WDR72: variants seen among roughly 807,000 people sequenced by gnomAD.
The protein encoded by WDR72 is WD repeat-containing protein 72.
In WDR72, 120 loss-of-function variants were observed where a neutral mutation model predicts 124.2. The observed-to-expected ratio is 0.97, with a 90% CI of 0.83 to 1.12. WDR72 has a LOEUF of 1.12. Among genes scored for constraint, WDR72 ranks in the 50% most tolerant of loss-of-function variants. The probability of loss-of-function intolerance (pLI) is 0.00; values close to 1 mark genes in which losing one functional copy is unlikely to be tolerated. For missense variants in WDR72, 1,387 were observed against 1,278.8 expected, an observed-to-expected ratio of 1.08 and a Z score of -1.29; for synonymous variants, 452 against 441.7, an observed-to-expected ratio of 1.02 and a Z score of -0.29.
chr15:53,677,844 T>C (rs991067040), intron 13 of WDR72, among the ~76,000 whole-genome samples: 2 of 152,184 alleles, frequency 1.3e-5, no homozygotes, highest in African/African-American at 4.8e-5. Context: ...ATCATCAAAA[T>C]TGCCATTATC....
At chr15:53,597,415 C>T (rs1342642043) in intron 17 of WDR72, 141 bp from the exon 18 acceptor site, 6 of 797,886 alleles carry the variant, frequency 7.5e-6, no homozygotes, top group African/African-American at 1.7e-5. Flanking sequence ...AATTAGCATC[C>T]ACAACAACTG....
At chr15:53,577,486 G>C (rs2011677273) in intron 18 of WDR72, among the ~76,000 whole-genome samples, 1 of 152,042 alleles carries the variant, frequency 6.6e-6, no homozygotes, top group Non-Finnish European at 1.5e-5. Context: ...AAAAAAAACT[G>C]TCATGTTTAA....
chr15:53,696,179 G>A (rs1367726076), intron 13 of WDR72, among the ~76,000 whole-genome samples: 1 of 152,178 alleles, frequency 6.6e-6, no homozygotes, highest in Non-Finnish European at 1.5e-5. Flanking sequence ...GTTAGAGGAG[G>A]CAGAGTGCTG....
chr15:53,567,071 C>T (rs2140300427), intron 18 of WDR72, among the ~76,000 whole-genome samples: 1 of 152,074 alleles, frequency 6.6e-6, no homozygotes, highest in African/African-American at 2.4e-5. Context: ...CCTGACATAA[C>T]TCAGAAGCAG....
chr15:53,718,770 GAATTTTAAAAATCTTAAGATTTTTAAA>G (rs1286275715), intron 3 of WDR72, among the ~76,000 whole-genome samples: 39,181 of 136,934 alleles, frequency 0.29, 6,603 homozygotes, highest in Middle Eastern at 0.48. Flanking sequence ...TAAATTTTAA[GAATTTTAAAAATCTTAAGATTTTTAAA>G]AATTTTAAAA....
At chr15:53,684,199 C>G (rs768297236) in intron 13 of WDR72, 2 of 152,060 alleles carry the variant, frequency 1.3e-5, no homozygotes, top group African/African-American at 4.8e-5. Flanking sequence ...TAAGAATTGC[C>G]GGAGGAGCCA....
intron 13 of WDR72, among the ~76,000 whole-genome samples, chr15:53,685,950 CAGCCA>C (rs1205461705): frequency 4.2e-5 from 6 of 142,166 alleles, no homozygotes; most frequent in African/African-American, 1.6e-4. Flanking sequence ...ATTTCATATC[CAGCCA>C]AACTAAGCTT....
intron 11 of WDR72, 148 bp downstream of exon 11, chr15:53,704,840 G>T (rs1327758520): frequency 8.1e-4 from 526 of 652,782 alleles, no homozygotes; most frequent in Non-Finnish European, 1.1e-3. Flanking sequence ...AAACCTATAT[G>T]TATGTTTTAC....
At chr15:53,697,564 G>A (rs563510508) in intron 13 of WDR72, among the ~76,000 whole-genome samples, 1 of 152,198 alleles carries the variant, frequency 6.6e-6, no homozygotes, top group East Asian at 1.9e-4. Context: ...GCTTCCTGAT[G>A]CTGCCAGTGC....
chr15:53,613,890 T>C, intron 15 of WDR72, 133 bp from the exon 16 acceptor site: 3 of 619,904 alleles, frequency 4.8e-6, no homozygotes, highest in Non-Finnish European at 8.7e-6. Context: ...TAGCAATATC[T>C]TTCACATCAA....
chr15:53,716,734 G>T, intron 3 of WDR72, 49 bp from the exon 4 acceptor site: 1 of 1,414,338 alleles, frequency 7.1e-7, no homozygotes, highest in Non-Finnish European at 1.0e-6. Flanking sequence ...CACTCAATTG[G>T]CTGGAATAAT....
intron 14 of WDR72, among the ~76,000 whole-genome samples, chr15:53,638,878 C>T (rs535924089): frequency 1.3e-5 from 2 of 152,088 alleles, no homozygotes; most frequent in African/African-American, 4.8e-5. Flanking sequence ...TGGCGGGTAC[C>T]TGTAATCCCA....
chr15:53,723,881 C>G (rs780058206), intron 2 of WDR72, among the ~76,000 whole-genome samples: 1 of 152,016 alleles, frequency 6.6e-6, no homozygotes, highest in Non-Finnish European at 1.5e-5. Context: ...TTTCTTTTTC[C>G]AAGTTTTCAA....
chr15:53,678,284 A>C (rs1216886370), intron 13 of WDR72, among the ~76,000 whole-genome samples: 1 of 152,224 alleles, frequency 6.6e-6, no homozygotes, highest in African/African-American at 2.4e-5. Flanking sequence ...CTGAAGGCTT[A>C]CGAAATAAAT....
chr15:53,618,152 A>T (rs1424880865), intron 14 of WDR72, among the ~76,000 whole-genome samples: 1 of 151,826 alleles, frequency 6.6e-6, no homozygotes, highest in African/African-American at 2.4e-5. Flanking sequence ...GATTTTTTTT[A>T]CCCCTGCATA....
chr15:53,532,658 TAAGAAGGGATG>T (rs1189742776), intron 18 of WDR72, among the ~76,000 whole-genome samples: 1 of 151,934 alleles, frequency 6.6e-6, no homozygotes, highest in East Asian at 1.9e-4. Flanking sequence ...AAGCGGGGGA[TAAGAAGGGATG>T]GTTAATGAGT....
chr15:53,757,641 A>T (rs2018944748), intron 1 of WDR72, among the ~76,000 whole-genome samples: 1 of 129,650 alleles, frequency 7.7e-6, no homozygotes, highest in Non-Finnish European at 1.7e-5. Context: ...CAACAACAAC[A>T]AAAAATTAAA....
chr15:53,531,080 G>A (rs755898227), intron 18 of WDR72, among the ~76,000 whole-genome samples: 2 of 151,978 alleles, frequency 1.3e-5, no homozygotes, highest in South Asian at 2.1e-4. Context: ...TCTAGACTAC[G>A]TCTCCATTTT....
intron 14 of WDR72, among the ~76,000 whole-genome samples, chr15:53,642,362 T>A (rs2014885750): frequency 6.6e-6 from 1 of 152,024 alleles, no homozygotes; most frequent in Admixed American, 6.6e-5. Flanking sequence ...TGCCAAATAT[T>A]TTTGACTTGA....
Sources: gnomAD v4.1 joint callset for allele counts (sites outside exome capture counted in the v4.1 genomes callset) on GRCh38, gnomAD v4.1.1 for gene constraint, MANE v1.5 for transcripts, NCBI Gene and HGNC (gene_info 2026-07-23, HGNC 2026-07-21) for gene names.